Variants in TMEM50B observed in about 807,000 individuals in gnomAD.
The protein encoded by TMEM50B is transmembrane protein 50B.
Under a neutral mutation model 23.4 loss-of-function variants are expected in TMEM50B, and 14 were observed. The observed-to-expected ratio is 0.60, with a 90% confidence interval of 0.39 to 0.93. TMEM50B has a LOEUF of 0.93. Ranked by LOEUF, TMEM50B falls within the 40% of genes least tolerant of loss-of-function variation. The pLI, the probability that TMEM50B is intolerant of heterozygous loss-of-function variation, is 0.00. For synonymous variants in TMEM50B, 64 were observed against 62.3 expected, an observed-to-expected ratio of 1.03 and a Z score of -0.13; for missense variants, 159 against 193.0, an observed-to-expected ratio of 0.82 and a Z score of 1.04.
rs530109442 is a variant in TMEM50B at position 33,475,231 on chromosome 21, A to T, written c.-42+4607T>A. 8.6e-4 allele frequency among the ~76,000 whole-genome samples: 131 copies of T among 152,278 alleles called. 1 individual carries two copies. The highest frequency in any genetic ancestry group is 5.5e-3 in the Admixed American group (84 of 15,286). Reference sequence around the variant, plus strand: ...GTTGAGCCACTGCGGCTGGCCAAACATTTTGTTTCTTAATCTGGTAGTGGA... The same window carrying T: ...GTTGAGCCACTGCGGCTGGCCAAACTTTTTGTTTCTTAATCTGGTAGTGGA... On this transcript the variant is annotated intron_variant, in intron 1 of 6. Coordinates refer to ENST00000542230, the MANE Select transcript of TMEM50B (RefSeq NM_006134.7).
intron 8 of TMEM50B, among the ~76,000 whole-genome samples, chr21:33,434,013 C>T (rs2083918252): frequency 6.6e-6 from 1 of 152,062 alleles, no homozygotes; most frequent in African/African-American, 2.4e-5. Context: ...AGTCAACACC[C>T]AGAGCTGTGA....
At chr21:33,456,113 G>A (rs1212730842) in intron 5 of TMEM50B, 4 of 552,268 alleles carry the variant, frequency 7.2e-6, no homozygotes, top group Admixed American at 2.2e-5. Flanking sequence ...ATGCAAAATC[G>A]TAAAAACATA....
At chr21:33,461,579 T>A (rs4817572) in intron 4 of TMEM50B, among the ~76,000 whole-genome samples, 4 of 151,860 alleles carry the variant, frequency 2.6e-5, no homozygotes, top group African/African-American at 9.7e-5. Context: ...CAAGGTGGGC[T>A]AATTGCCTGA....
At chr21:33,445,293 A>G (rs2084042681), downstream of TMEM50B, among the ~76,000 whole-genome samples, 2 of 152,166 alleles carry the variant, frequency 1.3e-5, no homozygotes, top group South Asian at 4.1e-4. Flanking sequence ...AGAAATTTAA[A>G]ATATCCTATC....
chr21:33,443,089 T>C (rs150055270), intron 7 of TMEM50B, among the ~76,000 whole-genome samples: 106 of 152,294 alleles, frequency 7.0e-4, no homozygotes, highest in Non-Finnish European at 1.2e-3. Flanking sequence ...CTATTCTCTG[T>C]GGGTAATAAG....
chr21:33,436,731 AAAAATAAAAAT>A (rs1183825160), intron 8 of TMEM50B: 5 of 1,016,212 alleles, frequency 4.9e-6, no homozygotes, highest in African/African-American at 1.7e-5. Context: ...AAAAAAAAAT[AAAAATAAAAAT>A]AAAATAAAAA....
chr21:33,447,681 T>TACACACACACACAC (rs764155101), downstream of TMEM50B, among the ~76,000 whole-genome samples: 27 of 132,128 alleles, frequency 2.0e-4, no homozygotes, highest in East Asian at 1.3e-3. Flanking sequence ...TGTATAGAAA[T>TACACACACACACAC]ACACACACAC....
At chr21:33,440,000 G>T (rs1333806464) in intron 7 of TMEM50B, among the ~76,000 whole-genome samples, 1 of 151,854 alleles carries the variant, frequency 6.6e-6, no homozygotes, top group Non-Finnish European at 1.5e-5. Context: ...GAGCTGACAT[G>T]GCACCTCTGC....
chr21:33,449,944 T>C lies in TMEM50B; in HGVS notation c.*874A>G, dbSNP rs2084102203. On this transcript the variant is annotated 3_prime_UTR_variant, in exon 7 of 7. Coordinates refer to ENST00000542230, the MANE Select transcript of TMEM50B (RefSeq NM_006134.7). Reference sequence around the variant, plus strand: ...GTTTATTTGATCATGTATTATCCCTTCTCACATAAAGTCATATTAGAGGAA... The same window carrying C: ...GTTTATTTGATCATGTATTATCCCTCCTCACATAAAGTCATATTAGAGGAA... 6.6e-6 allele frequency: 1 copy of C among 152,604 alleles called. No homozygotes were observed. Among genetic ancestry groups the C allele is most frequent in the Non-Finnish European group, 1.5e-5 (1 of 68,026 alleles). 9.5% of individuals were successfully genotyped at this position (152,604 alleles called of 1,614,324 possible).
intron 4 of TMEM50B, among the ~76,000 whole-genome samples, chr21:33,463,427 G>A (rs1349142003): frequency 6.6e-6 from 1 of 152,160 alleles, no homozygotes; most frequent in Non-Finnish European, 1.5e-5. Flanking sequence ...TCATAGAAAA[G>A]GCAAAGCAAC....
intron 3 of TMEM50B, among the ~76,000 whole-genome samples, chr21:33,465,860 TC>T (rs68149965): frequency 0.59 from 89,272 of 152,070 alleles, 28,265 homozygotes; most frequent in East Asian, 0.83. Flanking sequence ...TTATTCAGCT[TC>T]CCCTTCCATT....
At position 33,449,369 on chromosome 21, in the gene TMEM50B, T is replaced by A. The variant is rs958421832; in HGVS notation, c.*1449A>T. On this transcript the variant is annotated 3_prime_UTR_variant, in exon 7 of 7. Transcript: ENST00000542230. ...GAGAGAGGAGAGGAGTGATGCCAAA[T>A]GGGCTTACATTAGAGCCGTGGACAC... The A allele has an allele frequency of 7.9e-5, 12 of 152,690 alleles. No individual in the cohort carries two copies. The highest frequency in any genetic ancestry group is 2.9e-4 in the African/African-American group (12 of 41,560). 9.5% of individuals were successfully genotyped at this position (152,690 alleles called of 1,614,324 possible).
chr21:33,479,728 C>T (rs1211119524), intron 1 of TMEM50B, 110 bp downstream of exon 1: 4 of 152,518 alleles, frequency 2.6e-5, no homozygotes, highest in African/African-American at 4.8e-5. Context: ...CCCACAGCCC[C>T]CAGAAGGCCG....
chr21:33,451,745 TCTGTGACTCA>T (rs2084122685), intron 6 of TMEM50B, among the ~76,000 whole-genome samples: 1 of 152,108 alleles, frequency 6.6e-6, no homozygotes, highest in Admixed American at 6.6e-5. Context: ...GAAAGGGACA[TCTGTGACTCA>T]CTGGCATATA....
rs1393679346 is a variant in TMEM50B, at chr21:33,455,742, G to T, written c.416C>A (p.Ala139Glu). 11 of 1,613,582 alleles carry T rather than the reference G, an allele frequency of 6.8e-6. No individual in the cohort carries two copies. Among genetic ancestry groups the T allele is most frequent in the Non-Finnish European group, 9.3e-6 (11 of 1,179,694 alleles). The stretch of plus-strand genomic sequence containing the variant: ...GGCAACTTACCTAAAAAATATAAGT[G>T]CATTTTGAAAAAACACAGCTAGTCC... The part of the protein sequence containing the change: ...YPGLAVFFQN[A>E]LIFFSTLIYK... Residue 139 changes from alanine to glutamate, a missense_variant, in exon 6 of 7, where the codon GCA (alanine) becomes GAA (glutamate). By Grantham distance (107) the Ala-to-Glu change is moderately radical. Transcript: ENST00000542230.
chr21:33,477,193 G>A (rs979430819), intron 1 of TMEM50B, among the ~76,000 whole-genome samples: 1 of 152,024 alleles, frequency 6.6e-6, no homozygotes, highest in Non-Finnish European at 1.5e-5. Flanking sequence ...TTCTCAGGAG[G>A]CTGAGGTGGG....
chr21:33,458,733 T>A (rs913428336), intron 5 of TMEM50B, among the ~76,000 whole-genome samples: 2 of 152,188 alleles, frequency 1.3e-5, no homozygotes, highest in Admixed American at 1.3e-4. Flanking sequence ...CTGAATTATA[T>A]GGTATGCAAA....
chr21:33,465,416 C>G lies in TMEM50B; in HGVS notation c.213-7G>C, dbSNP rs8130421. The G allele has an allele frequency of 1.2e-6, 2 of 1,605,956 alleles. No homozygotes were observed. The highest frequency in any genetic ancestry group is 1.3e-5 in the African/African-American group (1 of 74,684). On this transcript the variant is annotated splice_polypyrimidine_tract_variant and splice_region_variant and intron_variant, in intron 3 of 6. Transcript: ENST00000542230. Reference sequence around the variant, plus strand: ...ATTGGATACAGCATTTATCCTAGAACGGCACAAAATCATCAAATGAATTTC... The same window carrying G: ...ATTGGATACAGCATTTATCCTAGAAGGGCACAAAATCATCAAATGAATTTC...
At position 33,479,642 on chromosome 21, in the gene TMEM50B, A is replaced by G. The variant is rs185769161; in HGVS notation, c.-42+196T>C. Among the ~76,000 whole-genome samples the G allele has an allele frequency of 6.5e-3, 993 of 152,238 alleles. 14 individuals carry two copies. Among genetic ancestry groups the G allele is most frequent in the African/African-American group, 0.023 (956 of 41,542 alleles). On this transcript the variant is annotated intron_variant, in intron 1 of 6. Coordinates refer to ENST00000542230, the MANE Select transcript of TMEM50B (RefSeq NM_006134.7). ...GCCCGAAGGGACGCGGGCAGGGGCAAGAAGGGGCGGCGGGGGCTCCGCGGG... is the reference window on the plus strand; with the variant it reads ...GCCCGAAGGGACGCGGGCAGGGGCAGGAAGGGGCGGCGGGGGCTCCGCGGG...
Sources: allele counts gnomAD v4.1 joint callset (sites outside exome capture counted in the v4.1 genomes callset), GRCh38; gene constraint gnomAD v4.1.1; transcripts MANE v1.5; gene names NCBI Gene and HGNC (gene_info 2026-07-23, HGNC 2026-07-21).